Variants in ARHGEF28 observed in about 807,000 individuals in gnomAD.
ARHGEF28 encodes the protein Rho guanine nucleotide exchange factor 28.
Under a neutral mutation model 206.6 loss-of-function variants are expected in ARHGEF28, and 152 were observed. The ratio of observed to expected loss-of-function variants is 0.74; its 90% confidence interval spans 0.64 to 0.84. The LOEUF is 0.84. Among genes scored for constraint, ARHGEF28 ranks in the 40% least tolerant of loss-of-function variants. The pLI is 0.00. For synonymous variants in ARHGEF28, 763 were observed against 776.4 expected, an observed-to-expected ratio of 0.98 and a Z score of 0.29; for missense variants, 2,028 against 2,073.2, an observed-to-expected ratio of 0.98 and a Z score of 0.42.
At chr5:73,928,028 GA>G (rs1303617684) in intron 35 of ARHGEF28, among the ~76,000 whole-genome samples, 1 of 152,090 alleles carries the variant, frequency 6.6e-6, no homozygotes, top group Non-Finnish European at 1.5e-5. Flanking sequence ...TTTTTAAAAG[GA>G]AAAAAGTTTT....
chr5:73,857,976 G>C, intron 15 of ARHGEF28, 111 bp from the exon 16 acceptor site: 1 of 1,478,516 alleles, frequency 6.8e-7, no homozygotes, highest in South Asian at 1.4e-5. Context: ...CTTATATTCT[G>C]ATGGAAAATG....
At chr5:73,900,237 T>C (rs1346887113) in intron 30 of ARHGEF28, 1 of 152,192 alleles carries the variant, frequency 6.6e-6, no homozygotes, top group Non-Finnish European at 1.5e-5. Flanking sequence ...ATTTCCTATA[T>C]TGGAAATAAA....
intron 22 of ARHGEF28, among the ~76,000 whole-genome samples, chr5:73,880,211 G>A (rs1760824777): frequency 6.6e-6 from 1 of 152,212 alleles, no homozygotes; most frequent in African/African-American, 2.4e-5. Context: ...GAGACTCCGT[G>A]GGTGTAGGAC....
chr5:73,922,452 C>T (rs1763570866), intron 35 of ARHGEF28, among the ~76,000 whole-genome samples: 1 of 152,252 alleles, frequency 6.6e-6, no homozygotes, highest in Admixed American at 6.5e-5. Flanking sequence ...CCTTCACATA[C>T]TTGGCTTTGC....
At chr5:73,721,697 C>G (rs1324591549) in intron 2 of ARHGEF28, among the ~76,000 whole-genome samples, 1 of 152,126 alleles carries the variant, frequency 6.6e-6, no homozygotes, top group Admixed American at 6.5e-5. Flanking sequence ...CTTGGCCTCC[C>G]AAGTAGCTGG....
intron 13 of ARHGEF28, among the ~76,000 whole-genome samples, chr5:73,851,306 A>G (rs375330808): frequency 5.8e-4 from 89 of 152,206 alleles, no homozygotes; most frequent in African/African-American, 1.9e-3. Context: ...TAATGCAGAT[A>G]TACAAACCTA....
intron 2 of ARHGEF28, among the ~76,000 whole-genome samples, chr5:73,743,942 T>A (rs576924885): frequency 6.6e-6 from 1 of 152,086 alleles, no homozygotes; most frequent in African/African-American, 2.4e-5. Flanking sequence ...GGGGAGAAAA[T>A]GTACTGAGCC....
intron 35 of ARHGEF28, among the ~76,000 whole-genome samples, chr5:73,917,430 T>G (rs954042706): frequency 4.6e-5 from 7 of 152,248 alleles, no homozygotes; most frequent in African/African-American, 1.7e-4. Context: ...GATGATTGAC[T>G]TTAGCCTTTT....
chr5:73,910,324 T>A (rs1473630074), intron 34 of ARHGEF28, among the ~76,000 whole-genome samples: 1 of 129,486 alleles, frequency 7.7e-6, no homozygotes, highest in Non-Finnish European at 1.5e-5. Flanking sequence ...GAGGTTGCAG[T>A]GAGCCGAGAT....
chr5:73,879,426 G>A (rs945012824), intron 22 of ARHGEF28, among the ~76,000 whole-genome samples: 3 of 152,116 alleles, frequency 2.0e-5, no homozygotes, highest in African/African-American at 4.8e-5. Context: ...CTCTCAACTC[G>A]TCAAAGTCAT....
intron 35 of ARHGEF28, 179 bp downstream of exon 35, chr5:73,911,754 G>T: frequency 9.2e-6 from 6 of 651,452 alleles, no homozygotes; most frequent in Non-Finnish European, 1.5e-5. Flanking sequence ...GCCTTTGCTT[G>T]TAAGTTACCT....
At chr5:73,787,530 A>G (rs903955559) in intron 7 of ARHGEF28, among the ~76,000 whole-genome samples, 6 of 152,018 alleles carry the variant, frequency 3.9e-5, no homozygotes, top group Non-Finnish European at 7.4e-5. Flanking sequence ...AATGCTATCC[A>G]TCCCCTACCC....
intron 6 of ARHGEF28, among the ~76,000 whole-genome samples, chr5:73,778,652 C>T (rs1430810196): frequency 6.6e-6 from 1 of 152,078 alleles, no homozygotes; most frequent in East Asian, 1.9e-4. Flanking sequence ...CTTCCGAAGA[C>T]CTTAATTCTT....
chr5:73,869,844 G>A (rs1364653649), intron 20 of ARHGEF28, among the ~76,000 whole-genome samples: 1 of 152,048 alleles, frequency 6.6e-6, no homozygotes, highest in Non-Finnish European at 1.5e-5. Flanking sequence ...GGAGGCGGAG[G>A]TTGCAGTGAG....
chr5:73,904,277 A>G lies in ARHGEF28; in HGVS notation c.4113+17A>G, dbSNP rs1304154182. On this transcript the variant is annotated intron_variant, in intron 32 of 35. Transcript: ENST00000513042. ...CAATCAGAGGTGAGCTGCTGCACATACCTTAAATGTATCACCAGCCTTTAT... is the reference window on the plus strand; with the variant it reads ...CAATCAGAGGTGAGCTGCTGCACATGCCTTAAATGTATCACCAGCCTTTAT... 9 of 1,613,638 alleles carry G rather than the reference A, an allele frequency of 5.6e-6. No homozygotes were observed. The highest frequency in any genetic ancestry group is 7.6e-6 in the Non-Finnish European group (9 of 1,179,734).
chr5:73,636,958 A>G (rs967977147), intron 1 of ARHGEF28, among the ~76,000 whole-genome samples: 1 of 152,166 alleles, frequency 6.6e-6, no homozygotes, highest in Non-Finnish European at 1.5e-5. Context: ...GAGTTTGAAG[A>G]TGGTGCTTCA....
intron 9 of ARHGEF28, among the ~76,000 whole-genome samples, chr5:73,828,633 T>TTCCTTTCTTTTTTCCTTTTTCCTG (rs1757069704): frequency 6.6e-6 from 1 of 151,440 alleles, no homozygotes; most frequent in Non-Finnish European, 1.5e-5. Context: ...CCTTTTTCCT[T>TTCCTTTCTTTTTTCCTTTTTCCTG]TTGTTTCTCC....
At chr5:73,939,568 G>A (rs764053070) in intron 35 of ARHGEF28, among the ~76,000 whole-genome samples, 21 of 152,292 alleles carry the variant, frequency 1.4e-4, no homozygotes, top group Admixed American at 2.0e-4. Flanking sequence ...GCTCCTCCAG[G>A]GACCTTCATC....
Position 73,912,346 on chromosome 5 carries a change from C to A in ARHGEF28, c.4948+771C>A, listed in dbSNP as rs554648536. Among the ~76,000 whole-genome samples the A allele has an allele frequency of 2.0e-5, 3 of 152,244 alleles. No homozygotes were observed. The South Asian group carries it at 6.2e-4, about 32-fold the overall frequency. On this transcript the variant is annotated intron_variant, in intron 35 of 35. Transcript: ENST00000513042. ...ACATGGATGTGAAATAAATCACCCA[C>A]AGCAAAATGTTTCAGAAACATAAAA...
Sources: gnomAD v4.1 joint callset for allele counts (sites outside exome capture counted in the v4.1 genomes callset) on GRCh38, gnomAD v4.1.1 for gene constraint, MANE v1.5 for transcripts, NCBI Gene and HGNC (gene_info 2026-07-23, HGNC 2026-07-21) for gene names.